Variants in CMSS1 observed in about 807,000 individuals in gnomAD.
CMSS1 encodes cms1 ribosomal small subunit homolog.
Under a neutral mutation model 43.5 loss-of-function variants are expected in CMSS1, and 33 were observed. The ratio of observed to expected loss-of-function variants is 0.76; its 90% CI spans 0.57 to 1.01. CMSS1 has a LOEUF of 1.01. Ranked by LOEUF, CMSS1 falls within the 50% of genes least tolerant of loss-of-function variation. CMSS1 has a pLI of 0.00. For missense variants in CMSS1, 313 were observed against 326.4 expected (o/e 0.96, Z 0.32); for synonymous variants, 115 against 117.2 (o/e 0.98, Z 0.12).
intron 1 of CMSS1, chr3:99,848,597 C>T: frequency 6.2e-7 from 1 of 1,614,168 alleles, no homozygotes; most frequent in Non-Finnish European, 8.5e-7. Flanking sequence ...GCATGCTTGG[C>T]ACTGATTTCT....
intron 1 of CMSS1, among the ~76,000 whole-genome samples, chr3:99,877,377 G>C (rs1328996310): frequency 1.3e-5 from 2 of 152,170 alleles, no homozygotes; most frequent in Non-Finnish European, 2.9e-5. Context: ...GTGGAGTGGA[G>C]AAAGGATGTT....
At chr3:99,858,418 T>C (rs1413438440) in intron 1 of CMSS1, among the ~76,000 whole-genome samples, 1 of 151,940 alleles carries the variant, frequency 6.6e-6, no homozygotes, top group African/African-American at 2.4e-5. Flanking sequence ...TGAGCTGAGA[T>C]CACACCACTG....
chr3:100,074,492 T>C (rs1183179328), intron 1 of CMSS1, among the ~76,000 whole-genome samples: 9 of 152,104 alleles, frequency 5.9e-5, no homozygotes, highest in Admixed American at 4.6e-4. Context: ...TCTCTTATCA[T>C]GTTCCAGAAA....
chr3:100,156,273 C>T (rs181548820), intron 2 of CMSS1, among the ~76,000 whole-genome samples: 109 of 146,466 alleles, frequency 7.4e-4, no homozygotes, highest in African/African-American at 2.4e-3. Context: ...TACAGGTATG[C>T]GCCACCACAC....
chr3:100,145,509 T>C (rs1317625396), intron 1 of CMSS1, among the ~76,000 whole-genome samples: 1 of 151,966 alleles, frequency 6.6e-6, no homozygotes, highest in African/African-American at 2.4e-5. Flanking sequence ...AACAGGATTA[T>C]ATAAGGAACG....
intron 1 of CMSS1, chr3:100,040,261 G>A (rs1395865776): frequency 6.6e-6 from 1 of 151,914 alleles, no homozygotes; most frequent in Non-Finnish European, 1.5e-5. Context: ...TGGCTTATTT[G>A]CATATTTCAT....
At chr3:100,022,611 T>G (rs2064846190) in intron 1 of CMSS1, among the ~76,000 whole-genome samples, 1 of 152,172 alleles carries the variant, frequency 6.6e-6, no homozygotes, top group Admixed American at 6.6e-5. Flanking sequence ...TGGACATAGA[T>G]GAGGGATACC....
chr3:99,992,292 A>T (rs1398463956), intron 1 of CMSS1, among the ~76,000 whole-genome samples: 2 of 152,058 alleles, frequency 1.3e-5, no homozygotes, highest in Non-Finnish European at 2.9e-5. Flanking sequence ...CATCAACAGT[A>T]TATAAGTGTT....
chr3:100,041,764 C>T (rs954839061), intron 1 of CMSS1, among the ~76,000 whole-genome samples: 1 of 152,084 alleles, frequency 6.6e-6, no homozygotes, highest in African/African-American at 2.4e-5. Flanking sequence ...TTAGACCTAC[C>T]AGAGATCTTT....
chr3:99,939,091 G>C (rs1228014046), intron 1 of CMSS1, among the ~76,000 whole-genome samples: 2 of 152,186 alleles, frequency 1.3e-5, no homozygotes, highest in African/African-American at 4.8e-5. Context: ...GTATGATTCA[G>C]GTTCATATTC....
intron 1 of CMSS1, among the ~76,000 whole-genome samples, chr3:100,036,348 A>G (rs1017642265): frequency 1.3e-5 from 2 of 152,200 alleles, no homozygotes; most frequent in African/African-American, 4.8e-5. Flanking sequence ...TTTTCATGCC[A>G]CGATGTTAGG....
At chr3:99,995,994 C>T (rs939509861) in intron 1 of CMSS1, among the ~76,000 whole-genome samples, 19 of 152,086 alleles carry the variant, frequency 1.2e-4, no homozygotes, top group East Asian at 1.9e-4. Flanking sequence ...GATTAACATT[C>T]GGCTCCTTGT....
chr3:99,830,926 A>G (rs544750304), intron 1 of CMSS1, among the ~76,000 whole-genome samples: 3 of 152,366 alleles, frequency 2.0e-5, no homozygotes, highest in Admixed American at 6.5e-5. Context: ...TGAGATTGCC[A>G]GAGAAAGGTT....
At chr3:100,071,014 T>G (rs2065752269) in intron 1 of CMSS1, among the ~76,000 whole-genome samples, 1 of 151,936 alleles carries the variant, frequency 6.6e-6, no homozygotes, top group African/African-American at 2.4e-5. Context: ...AGCTATTCAG[T>G]TATACAGAAA....
intron 1 of CMSS1, among the ~76,000 whole-genome samples, chr3:100,012,617 A>G (rs1710190838): frequency 1.3e-5 from 2 of 152,112 alleles, no homozygotes; most frequent in Admixed American, 1.3e-4. Context: ...CGTGGGCCTA[A>G]TTATTTCATA....
At chr3:99,829,969 T>C (rs1266653280) in intron 1 of CMSS1, among the ~76,000 whole-genome samples, 2 of 152,360 alleles carry the variant, frequency 1.3e-5, no homozygotes, top group East Asian at 1.9e-4. Context: ...TCCTGTCATC[T>C]TGATGGAAAT....
At chr3:99,878,064 T>G (rs1346334081) in intron 1 of CMSS1, among the ~76,000 whole-genome samples, 1 of 152,228 alleles carries the variant, frequency 6.6e-6, no homozygotes, top group Non-Finnish European at 1.5e-5. Flanking sequence ...TTCTGAAGAA[T>G]AGAGGAAAGA....
intron 2 of CMSS1, among the ~76,000 whole-genome samples, chr3:100,157,474 G>T (rs1446801368): frequency 1.3e-5 from 2 of 152,214 alleles, no homozygotes; most frequent in African/African-American, 4.8e-5. Context: ...CACTGAAACA[G>T]TGATGAGTTG....
chr3:99,819,477 C>T (rs1029536141), intron 1 of CMSS1, among the ~76,000 whole-genome samples: 2 of 152,266 alleles, frequency 1.3e-5, no homozygotes, highest in South Asian at 4.1e-4. Context: ...TGACAAATGT[C>T]TTCATAAATA....
Sources: gnomAD v4.1 joint callset for allele counts (sites outside exome capture counted in the v4.1 genomes callset) on GRCh38, gnomAD v4.1.1 for gene constraint, MANE v1.5 for transcripts, NCBI Gene and HGNC (gene_info 2026-07-23, HGNC 2026-07-21) for gene names.